Variants in CSMD1 observed in about 807,000 individuals in gnomAD.
CSMD1 encodes the protein CUB and Sushi multiple domains 1.
Under a neutral mutation model 417.5 loss-of-function variants are expected in CSMD1, and 213 were observed. That is an observed-to-expected ratio of 0.51 (90% CI 0.46 to 0.57). The LOEUF is 0.57. CSMD1 is among the 20% of genes least tolerant of loss of function. The pLI is 0.00. For missense variants in CSMD1, 6,923 were observed against 4,529.7 expected (o/e 1.53, Z -15.17); for synonymous variants, 2,862 against 1,736.8 (o/e 1.65, Z -16.11).
chr8:4,625,412 G>C (rs1195776486), intron 2 of CSMD1, among the ~76,000 whole-genome samples: 3 of 152,048 alleles, frequency 2.0e-5, no homozygotes, highest in Non-Finnish European at 4.4e-5. Context: ...TTTTGAAGCA[G>C]TCGCCTCTTT....
intron 18 of CSMD1, among the ~76,000 whole-genome samples, chr8:3,379,523 C>T (rs1039026077): frequency 4.6e-5 from 7 of 152,178 alleles, no homozygotes; most frequent in East Asian, 1.9e-4. Flanking sequence ...GTAACAAAAA[C>T]AGCAAGGTAC....
chr8:3,255,436 C>T (rs1359480030), intron 26 of CSMD1, among the ~76,000 whole-genome samples: 6 of 152,194 alleles, frequency 3.9e-5, no homozygotes, highest in Non-Finnish European at 7.3e-5. Flanking sequence ...GTTTCTGCTG[C>T]CTTTTGTTGT....
chr8:4,131,743 T>C (rs1008073339), intron 3 of CSMD1, among the ~76,000 whole-genome samples: 1 of 147,108 alleles, frequency 6.8e-6, no homozygotes, highest in Non-Finnish European at 1.5e-5. Flanking sequence ...ATTAAATTAG[T>C]ATACAAATGT....
intron 3 of CSMD1, among the ~76,000 whole-genome samples, chr8:4,348,196 G>A (rs1455405942): frequency 1.3e-5 from 2 of 152,104 alleles, no homozygotes; most frequent in Non-Finnish European, 2.9e-5. Flanking sequence ...ATGGCATTGT[G>A]CTGGGAAAAT....
At chr8:4,035,443 G>T (rs1481757885) in intron 3 of CSMD1, among the ~76,000 whole-genome samples, 1 of 152,064 alleles carries the variant, frequency 6.6e-6, no homozygotes, top group Non-Finnish European at 1.5e-5. Context: ...GGTCCTTCAG[G>T]AAGGATTCCA....
chr8:4,822,688 A>G (rs1177905581), intron 1 of CSMD1, among the ~76,000 whole-genome samples: 3 of 152,152 alleles, frequency 2.0e-5, no homozygotes, highest in Admixed American at 1.3e-4. Flanking sequence ...ATAATTAGCC[A>G]TATACAATGT....
Position 4,724,733 on chromosome 8 carries a change from T to G in CSMD1, c.86-87175A>C, listed in dbSNP as rs111302106. On this transcript the variant is annotated intron_variant, in intron 1 of 69. Transcript: ENST00000635120. Reference sequence around the variant, plus strand: ...GTATCTTGGTAAGATTAATCAACGATTAGCTCTTGAAGCATTTATCACGTT... The same window carrying G: ...GTATCTTGGTAAGATTAATCAACGAGTAGCTCTTGAAGCATTTATCACGTT... Among the ~76,000 whole-genome samples, 622 of 152,256 alleles carry G rather than the reference T, an allele frequency of 4.1e-3. 9 individuals are homozygous for G. The highest frequency in any genetic ancestry group is 0.014 in the African/African-American group (601 of 41,568).
At chr8:3,146,773 A>C (rs1462771272) in intron 40 of CSMD1, among the ~76,000 whole-genome samples, 1 of 152,228 alleles carries the variant, frequency 6.6e-6, no homozygotes, top group Non-Finnish European at 1.5e-5. Flanking sequence ...GATGATTTCC[A>C]CATGATGCCA....
At chr8:3,455,504 T>A (rs1816057422) in intron 12 of CSMD1, among the ~76,000 whole-genome samples, 1 of 152,216 alleles carries the variant, frequency 6.6e-6, no homozygotes, top group African/African-American at 2.4e-5. Context: ...TGGATGTCCT[T>A]TCTGTTTGTT....
At chr8:3,332,782 C>A (rs760908733) in intron 23 of CSMD1, among the ~76,000 whole-genome samples, 6 of 152,212 alleles carry the variant, frequency 3.9e-5, no homozygotes, top group Non-Finnish European at 7.3e-5. Flanking sequence ...GTTGCAGGGA[C>A]CCTGATGCCC....
rs151126786 is a variant in CSMD1 at position 4,570,830 on chromosome 8, G to A, written c.302+66512C>T. ...TGTGTCAATTTTGGAACTTGTTATT[G>A]GTCTATTTCGGGATTCGGCTTCTTC... On this transcript the variant is annotated intron_variant, in intron 2 of 69. Transcript: ENST00000635120. 3.1e-3 allele frequency among the ~76,000 whole-genome samples: 477 copies of A among 152,216 alleles called. 3 individuals are homozygous for A. The highest frequency in any genetic ancestry group is 5.1e-3 in the Non-Finnish European group (348 of 68,020).
At chr8:4,467,114 C>A (rs1490998120) in intron 2 of CSMD1, among the ~76,000 whole-genome samples, 1 of 124,492 alleles carries the variant, frequency 8.0e-6, no homozygotes, top group Non-Finnish European at 1.6e-5. Context: ...GCTCTAGATT[C>A]TTCAGAGTAA....
intron 23 of CSMD1, 106 bp downstream of exon 23, chr8:3,343,188 G>A: frequency 1.1e-6 from 1 of 937,912 alleles, no homozygotes; most frequent in Non-Finnish European, 1.6e-6. Flanking sequence ...CAAAAACACA[G>A]TAGGCAGCCA....
intron 3 of CSMD1, among the ~76,000 whole-genome samples, chr8:4,407,846 A>C (rs2128932758): frequency 6.6e-6 from 1 of 152,358 alleles, no homozygotes; most frequent in Non-Finnish European, 1.5e-5. Context: ...TTAAAAAATG[A>C]AAAATCAGAT....
Position 3,563,659 on chromosome 8 carries a change from G to A in CSMD1, c.1344+11286C>T, listed in dbSNP as rs140575389. On this transcript the variant is annotated intron_variant, in intron 10 of 69. Coordinates refer to ENST00000635120, the MANE Select transcript of CSMD1 (RefSeq NM_033225.6). ...TAATCCCAGCACTTTGGGAGGCTGA[G>A]GCGGGTGGATCATGAGGTCAGGAGT... Among the ~76,000 whole-genome samples the A allele has an allele frequency of 4.3e-3, 651 of 152,218 alleles. 6 individuals are homozygous for A. The highest frequency in any genetic ancestry group is 0.034 in the East Asian group (175 of 5,166).
intron 1 of CSMD1, among the ~76,000 whole-genome samples, chr8:4,651,404 C>T (rs191691758): frequency 1.3e-5 from 2 of 152,218 alleles, no homozygotes; most frequent in Non-Finnish European, 2.9e-5. Context: ...TGCTGTTTCT[C>T]GGGTCTTCAG....
intron 2 of CSMD1, among the ~76,000 whole-genome samples, chr8:4,576,600 A>G (rs770388176): frequency 2.3e-4 from 35 of 152,158 alleles, no homozygotes; most frequent in Non-Finnish European, 4.1e-4. Flanking sequence ...TCCATCCAGT[A>G]TCTAGCTTAC....
chr8:3,977,953 C>T (rs1186950029), intron 5 of CSMD1, among the ~76,000 whole-genome samples: 1 of 152,162 alleles, frequency 6.6e-6, no homozygotes. Context: ...ATGTGCACGG[C>T]TGCCTTTTAC....
In CSMD1 at chr8:3,708,487, T is replaced by C. The variant is rs907185417; in HGVS notation, c.936A>G (p.Lys312=). 1.2e-6 allele frequency: 2 copies of C among 1,613,916 alleles called. No individual in the cohort carries two copies. Among genetic ancestry groups the C allele is most frequent in the Non-Finnish European group, 1.7e-6 (2 of 1,179,848 alleles). The part of the protein sequence containing the change: ...RKGFNAQFQV[K]KAIELKSRGV... ...CTCTTGACTTCAACTCAATCGCCTT[T>C]TTCACTGGAAGAAACAAAACCAAGC... Residue 312 remains lysine (K), a synonymous_variant, in exon 7 of 70, where the codon AAA becomes AAG. Coordinates refer to ENST00000635120, the MANE Select transcript of CSMD1 (RefSeq NM_033225.6).
Sources: gnomAD v4.1 joint callset for allele counts (sites outside exome capture counted in the v4.1 genomes callset) on GRCh38, gnomAD v4.1.1 for gene constraint, MANE v1.5 for transcripts, NCBI Gene and HGNC (gene_info 2026-07-23, HGNC 2026-07-21) for gene names.